CTNNA1: variants seen among roughly 807,000 people sequenced by gnomAD.
CTNNA1 encodes the protein catenin alpha 1, also known as catenin alpha-1.
A neutral mutation model predicts 98.4 loss-of-function variants in CTNNA1; 37 were observed. That is an observed-to-expected ratio of 0.38 (90% CI 0.29 to 0.49). The LOEUF (loss-of-function observed/expected upper bound fraction) is 0.49. Ranked by LOEUF, CTNNA1 falls within the 20% of genes least tolerant of loss-of-function variation. The pLI, the probability that CTNNA1 is intolerant of heterozygous loss-of-function variation, is 0.95. For missense variants in CTNNA1, 761 were observed against 1,147.2 expected, an observed-to-expected ratio of 0.66 and a Z score of 4.86; for synonymous variants, 404 against 413.2, an observed-to-expected ratio of 0.98 and a Z score of 0.27.
intron 7 of CTNNA1, among the ~76,000 whole-genome samples, chr5:138,857,698 G>A (rs952016244): frequency 8.5e-5 from 13 of 152,102 alleles, no homozygotes; most frequent in Admixed American, 7.2e-4. Flanking sequence ...CATGAAGCAT[G>A]GTACTGTTAA....
chr5:138,871,739 A>C (rs1280348634), intron 7 of CTNNA1: 1 of 152,244 alleles, frequency 6.6e-6, no homozygotes, highest in Admixed American at 6.5e-5. Context: ...TTGTTCTGCC[A>C]TGAGATTCAT....
At chr5:138,780,290 C>T (rs1051388009) in intron 1 of CTNNA1, among the ~76,000 whole-genome samples, 5 of 151,474 alleles carry the variant, frequency 3.3e-5, no homozygotes, top group African/African-American at 4.8e-5. Context: ...CTGGGGTTCA[C>T]GCCATTTTCC....
At chr5:138,773,308 G>C (rs1216322511) in intron 1 of CTNNA1, among the ~76,000 whole-genome samples, 2 of 152,194 alleles carry the variant, frequency 1.3e-5, no homozygotes, top group Non-Finnish European at 2.9e-5. Context: ...GAATTAGTAG[G>C]ATCTTTAGAG....
intron 3 of CTNNA1, among the ~76,000 whole-genome samples, chr5:138,796,455 A>AATG (rs1756980730): frequency 6.6e-6 from 1 of 152,048 alleles, no homozygotes; most frequent in African/African-American, 2.4e-5. Context: ...AAGGCAGGAG[A>AATG]ATGGCGTGAA....
At chr5:138,923,488 T>C (rs1398081470) in intron 11 of CTNNA1, among the ~76,000 whole-genome samples, 1 of 152,200 alleles carries the variant, frequency 6.6e-6, no homozygotes, top group African/African-American at 2.4e-5. Context: ...GAATTCTTAC[T>C]GTTTCCTGGC....
At chr5:138,888,810 G>C (rs1007484471) in intron 9 of CTNNA1, among the ~76,000 whole-genome samples, 7 of 152,026 alleles carry the variant, frequency 4.6e-5, no homozygotes, top group Non-Finnish European at 8.8e-5. Flanking sequence ...AAAGTGCTAG[G>C]ATTATAGGCG....
chr5:138,789,195 C>T (rs397840491), intron 3 of CTNNA1, among the ~76,000 whole-genome samples: 2 of 150,716 alleles, frequency 1.3e-5, no homozygotes, highest in East Asian at 2.0e-4. Flanking sequence ...TTTTCCCCCC[C>T]CCCAGAGCTT....
rs1757287262 is a variant in CTNNA1, at chr5:138,799,238, G to C, written c.302-10800G>C. Among the ~76,000 whole-genome samples the C allele has an allele frequency of 2.6e-5, 4 of 152,118 alleles. No homozygotes were observed. The South Asian group carries it at 8.3e-4, about 32-fold the overall frequency. The stretch of plus-strand genomic sequence containing the variant: ...TGCAATGGCGTGACCTCGGTTCACT[G>C]CAACCTCTGCCTTCCGGGTTCAGGC... On this transcript the variant is annotated intron_variant, in intron 3 of 17. Transcript: ENST00000302763.
chr5:138,806,388 T>C (rs1481238780), intron 3 of CTNNA1, among the ~76,000 whole-genome samples: 2 of 152,122 alleles, frequency 1.3e-5, no homozygotes, highest in South Asian at 2.1e-4. Flanking sequence ...TCCCAACTCA[T>C]GTGTTTTCAT....
At chr5:138,785,063 A>AT (rs1300641007) in intron 3 of CTNNA1, among the ~76,000 whole-genome samples, 23 of 85,322 alleles carry the variant, frequency 2.7e-4, no homozygotes, top group South Asian at 1.2e-3. Context: ...TTAATTAATT[A>AT]ATTTTTTTTT....
chr5:138,757,301 T>G (rs1751773583), intron 1 of CTNNA1, among the ~76,000 whole-genome samples: 1 of 152,060 alleles, frequency 6.6e-6, no homozygotes, highest in Admixed American at 6.6e-5. Context: ...GGAGCTATTG[T>G]TATGGGTACA....
At position 138,848,683 on chromosome 5, in the gene CTNNA1, T is replaced by C. The variant is rs140422799; in HGVS notation, c.1062+20965T>C. ...GTTGGTAGCTTTATTCCTAGATTCA[T>C]AATATGCTCTCTTTACTATTAAAAT... is the stretch of plus-strand genomic sequence containing the variant. On this transcript the variant is annotated intron_variant, in intron 7 of 17. Transcript: ENST00000302763. Among the ~76,000 whole-genome samples the C allele has an allele frequency of 6.6e-5, 10 of 152,348 alleles. No individual in the cohort carries two copies. The East Asian group carries it at 1.9e-3, about 29-fold the overall frequency.
At chr5:138,776,854 AC>A (rs1754306912) in intron 1 of CTNNA1, among the ~76,000 whole-genome samples, 1 of 74,708 alleles carries the variant, frequency 1.3e-5, no homozygotes, top group Non-Finnish European at 2.6e-5. Context: ...GGGGGGGCTG[AC>A]TCCCCCACCT....
chr5:138,764,369 C>CA (rs1168472068), intron 1 of CTNNA1, among the ~76,000 whole-genome samples: 5 of 150,064 alleles, frequency 3.3e-5, no homozygotes, highest in South Asian at 2.1e-4. Flanking sequence ...TCTGTCTCAA[C>CA]AAAAAAAAGA....
intron 1 of CTNNA1, among the ~76,000 whole-genome samples, chr5:138,760,381 T>TG (rs11414614): frequency 2.5e-4 from 38 of 150,034 alleles, no homozygotes; most frequent in Non-Finnish European, 1.2e-4. Context: ...CTTTTTTTTT[T>TG]GGAGGGGACA....
At chr5:138,764,281 C>T (rs1302948142) in intron 1 of CTNNA1, among the ~76,000 whole-genome samples, 1 of 149,680 alleles carries the variant, frequency 6.7e-6, no homozygotes, top group Non-Finnish European at 1.5e-5. Flanking sequence ...CAGAAGAATC[C>T]CTTGAACCTG....
intron 7 of CTNNA1, among the ~76,000 whole-genome samples, chr5:138,864,006 A>G (rs1457586674): frequency 6.6e-6 from 1 of 152,204 alleles, no homozygotes; most frequent in Non-Finnish European, 1.5e-5. Context: ...TCTGTTATCT[A>G]GGCTGGAGTG....
intron 7 of CTNNA1, among the ~76,000 whole-genome samples, chr5:138,879,431 CCCTT>C (rs1006717247): frequency 5.9e-5 from 9 of 151,858 alleles, no homozygotes; most frequent in African/African-American, 2.2e-4. Flanking sequence ...TTGTCTCCAT[CCCTT>C]CCTTCTGTTG....
At chr5:138,901,277 C>T (rs1277434548) in intron 9 of CTNNA1, among the ~76,000 whole-genome samples, 1 of 152,160 alleles carries the variant, frequency 6.6e-6, no homozygotes, top group Non-Finnish European at 1.5e-5. Context: ...CATGCCTCAG[C>T]CTCCCAAGCA....
Sources: allele counts gnomAD v4.1 joint callset (sites outside exome capture counted in the v4.1 genomes callset), GRCh38; gene constraint gnomAD v4.1.1; transcripts MANE v1.5; gene names NCBI Gene and HGNC (gene_info 2026-07-23, HGNC 2026-07-21).